CYYR1: variants seen among roughly 807,000 people sequenced by gnomAD.
CYYR1 encodes cysteine and tyrosine rich 1, also known as cysteine and tyrosine-rich protein 1.
CYYR1 carries 14 observed loss-of-function variants against 15.2 expected under a neutral mutation model. The ratio of observed to expected loss-of-function variants is 0.92; its 90% CI spans 0.61 to 1.44. The LOEUF (loss-of-function observed/expected upper bound fraction) is 1.44, where lower values mean the gene tolerates loss of function less well. Ranked by LOEUF, CYYR1 falls within the 40% of genes most tolerant of loss-of-function variation. The probability of loss-of-function intolerance (pLI) is 0.00; values close to 1 mark genes in which losing one functional copy is unlikely to be tolerated. For missense variants in CYYR1, 228 were observed against 209.5 expected (o/e 1.09, Z -0.54); for synonymous variants, 80 against 77.4 (o/e 1.03, Z -0.18).
intron 2 of CYYR1, among the ~76,000 whole-genome samples, chr21:26,545,103 C>T (rs1211862759): frequency 6.6e-6 from 1 of 151,964 alleles, no homozygotes; most frequent in Non-Finnish European, 1.5e-5. Context: ...ATATACCAGT[C>T]CCTTTTTAAT....
At chr21:26,558,639 T>C (rs1169318046) in intron 2 of CYYR1, among the ~76,000 whole-genome samples, 1 of 152,232 alleles carries the variant, frequency 6.6e-6, no homozygotes, top group African/African-American at 2.4e-5. Flanking sequence ...TCATTGGTAC[T>C]CTTCTCTCCC....
intron 2 of CYYR1, among the ~76,000 whole-genome samples, chr21:26,486,411 A>G (rs11700545): frequency 0.014 from 2,144 of 151,972 alleles, 42 homozygotes; most frequent in Non-Finnish European, 0.022. Context: ...TGATATTTAA[A>G]CCTATGATCT....
At chr21:26,569,171 A>G (rs1343125767) in intron 1 of CYYR1, 1 of 152,188 alleles carries the variant, frequency 6.6e-6, no homozygotes, top group Non-Finnish European at 1.5e-5. Flanking sequence ...TAGTAAAGAG[A>G]CTGATTCATC....
At chr21:26,477,822 G>T (rs2830248) in intron 3 of CYYR1, 156,864 of 1,175,558 alleles carry the variant, frequency 0.13, 11,078 homozygotes, top group South Asian at 0.17. Context: ...AAATTCAGAG[G>T]TATAAATAAT....
intron 2 of CYYR1, among the ~76,000 whole-genome samples, chr21:26,546,070 G>A (rs1178054141): frequency 6.6e-6 from 1 of 152,104 alleles, no homozygotes; most frequent in Non-Finnish European, 1.5e-5. Flanking sequence ...CTACAACTTT[G>A]TGGTATCTTT....
intron 2 of CYYR1, among the ~76,000 whole-genome samples, chr21:26,557,031 A>C (rs1979839562): frequency 6.6e-6 from 1 of 152,168 alleles, no homozygotes; most frequent in African/African-American, 2.4e-5. Flanking sequence ...CAGGCCAAGT[A>C]TGTCTCATTT....
At chr21:26,526,987 T>A (rs2065875210) in intron 2 of CYYR1, among the ~76,000 whole-genome samples, 1 of 152,214 alleles carries the variant, frequency 6.6e-6, no homozygotes, top group Non-Finnish European at 1.5e-5. Flanking sequence ...ACAAGCTATG[T>A]TAAGCACTTA....
intron 2 of CYYR1, among the ~76,000 whole-genome samples, chr21:26,557,958 A>G (rs1378552899): frequency 6.6e-6 from 1 of 152,226 alleles, no homozygotes; most frequent in Non-Finnish European, 1.5e-5. Context: ...TAATTCAGAC[A>G]TGTTCCTCTC....
intron 2 of CYYR1, among the ~76,000 whole-genome samples, chr21:26,535,912 G>T (rs1811478957): frequency 6.6e-6 from 1 of 152,146 alleles, no homozygotes; most frequent in African/African-American, 2.4e-5. Flanking sequence ...ATGAGAAAGA[G>T]GTGTATTAGT....
rs61352955 is a variant in CYYR1, at chr21:26,517,114, C to CAAAAAAAA, written c.177-36693_177-36686dup. On this transcript the variant is annotated intron_variant, in intron 2 of 3. Transcript: ENST00000652641. ...TGGGCGACAGAGCGAGACTCCGTCT[C>CAAAAAAAA]AAAAAAAAAAAAAAAAAAAAAAAAA... 1.5e-3 allele frequency among the ~76,000 whole-genome samples: 70 copies of CAAAAAAAA among 46,710 alleles called. 2 individuals are homozygous for CAAAAAAAA. The highest frequency in any genetic ancestry group is 5.3e-3 in the African/African-American group (60 of 11,308). The allele number at this position is 46,710 out of a possible 152,430, so 30.6% of individuals were successfully genotyped here.
chr21:26,520,130 A>ATATATATATG (rs1488209647), intron 2 of CYYR1, among the ~76,000 whole-genome samples: 1 of 145,844 alleles, frequency 6.9e-6, no homozygotes, highest in Non-Finnish European at 1.5e-5. Flanking sequence ...ATATATATAT[A>ATATATATATG]TATATATATA....
intron 2 of CYYR1, among the ~76,000 whole-genome samples, chr21:26,483,576 T>C (rs1282826192): frequency 6.6e-6 from 1 of 152,068 alleles, no homozygotes; most frequent in Non-Finnish European, 1.5e-5. Context: ...ATTTCATACT[T>C]GGGGAGCATC....
chr21:26,487,865 AG>A lies in CYYR1; in HGVS notation c.177-7437del, dbSNP rs1414780274. ...CTACTCCAAGTGTAAAATGCTTAGG[AG>A]GGTAGGAAGACCAATCCATGTAATT... On this transcript the variant is annotated intron_variant, in intron 2 of 3. Coordinates refer to ENST00000652641, the MANE Select transcript of CYYR1 (RefSeq NM_001320768.2). Among the ~76,000 whole-genome samples, 3 of 151,444 alleles carry A rather than the reference AG, an allele frequency of 2.0e-5. No individual in the cohort carries two copies. The East Asian group carries it at 5.8e-4, about 29-fold the overall frequency.
chr21:26,562,084 GC>G (rs1286141393), intron 2 of CYYR1, among the ~76,000 whole-genome samples: 2 of 152,274 alleles, frequency 1.3e-5, no homozygotes, highest in Admixed American at 1.3e-4. Flanking sequence ...AAGCAGAGTT[GC>G]TGAATCAAAT....
At chr21:26,520,137 T>TATATATATATATATATAC (rs1320265726) in intron 2 of CYYR1, among the ~76,000 whole-genome samples, 1 of 129,756 alleles carries the variant, frequency 7.7e-6, no homozygotes, top group African/African-American at 2.9e-5. Context: ...TATATATATA[T>TATATATATATATATATAC]ATATGCAGAA....
At chr21:26,530,181 A>G (rs222938) in intron 2 of CYYR1, among the ~76,000 whole-genome samples, 5,589 of 152,294 alleles carry the variant, frequency 0.037, 131 homozygotes, top group South Asian at 0.072. Context: ...AACTGAGTTG[A>G]GAAACTACTT....
intron 2 of CYYR1, among the ~76,000 whole-genome samples, chr21:26,527,566 C>T (rs2065883162): frequency 6.6e-6 from 1 of 152,038 alleles, no homozygotes; most frequent in African/African-American, 2.4e-5. Flanking sequence ...GTGTTTTTAT[C>T]ATCCAGTAAA....
At chr21:26,564,521 G>T in intron 2 of CYYR1, 1 of 287,624 alleles carries the variant, frequency 3.5e-6, no homozygotes, top group Non-Finnish European at 5.2e-6. Flanking sequence ...CTTAACCAGC[G>T]GTGAGATTAA....
chr21:26,529,921 G>A (rs997651184), intron 2 of CYYR1, among the ~76,000 whole-genome samples: 4 of 152,126 alleles, frequency 2.6e-5, no homozygotes, highest in South Asian at 4.1e-4. Flanking sequence ...AAAACTTTAT[G>A]TTATGGCTAC....
Sources: allele counts gnomAD v4.1 joint callset (sites outside exome capture counted in the v4.1 genomes callset), GRCh38; gene constraint gnomAD v4.1.1; transcripts MANE v1.5; gene names NCBI Gene and HGNC (gene_info 2026-07-23, HGNC 2026-07-21).